Variants in TENM3 observed in about 807,000 individuals in gnomAD.
TENM3 encodes teneurin transmembrane protein 3.
TENM3 carries 63 observed loss-of-function variants against 255.1 expected under a neutral mutation model. That is an observed-to-expected ratio of 0.25 (90% CI 0.20 to 0.30). TENM3 has a LOEUF of 0.30. Among genes scored for constraint, TENM3 ranks in the 10% least tolerant of loss-of-function variants. The pLI is 1.00. For synonymous variants in TENM3, 1,306 were observed against 1,322.3 expected, an observed-to-expected ratio of 0.99 and a Z score of 0.27; for missense variants, 2,929 against 3,461.1, an observed-to-expected ratio of 0.85 and a Z score of 3.86.
chr4:182,320,506 A>T (rs1762989370), intron 1 of TENM3, among the ~76,000 whole-genome samples: 1 of 151,926 alleles, frequency 6.6e-6, no homozygotes, highest in African/African-American at 2.4e-5. Context: ...CTGTATCCAA[A>T]TTTTCCTCTC....
chr4:182,757,117 C>T (rs911248303), intron 22 of TENM3, among the ~76,000 whole-genome samples: 1 of 151,878 alleles, frequency 6.6e-6, no homozygotes, highest in African/African-American at 2.4e-5. Flanking sequence ...TCAAGACCAT[C>T]CTGGCTAACA....
chr4:182,102,501 T>C, the TENM3 span, among the ~76,000 whole-genome samples: 12,341 of 152,250 alleles, frequency 0.081, 912 homozygotes, highest in African/African-American at 0.2. Flanking sequence ...TGGCCAAGAA[T>C]CAAAATGCGC....
intron 3 of TENM3, among the ~76,000 whole-genome samples, chr4:182,481,194 T>C (rs1734163527): frequency 6.6e-6 from 1 of 152,122 alleles, no homozygotes; most frequent in African/African-American, 2.4e-5. Flanking sequence ...AGAAACAGAC[T>C]GAAAAACTAA....
chr4:182,381,112 G>GT (rs1470166101), intron 3 of TENM3, among the ~76,000 whole-genome samples: 2 of 152,324 alleles, frequency 1.3e-5, no homozygotes, highest in Admixed American at 6.5e-5. Flanking sequence ...TCAGACAGCT[G>GT]TGAGAGTCCC....
chr4:182,086,031 G>A, the TENM3 span, among the ~76,000 whole-genome samples: 2 of 152,140 alleles, frequency 1.3e-5, no homozygotes, highest in Non-Finnish European at 2.9e-5. Context: ...TAAGAAGTCC[G>A]TAAATAGTTG....
In TENM3 at chr4:182,217,560, C is replaced by T. The variant is rs537347950; in HGVS notation, c.-76+72806C>T. Among the ~76,000 whole-genome samples the T allele has an allele frequency of 9.9e-5, 15 of 152,154 alleles. 1 individual carries two copies. The South Asian group carries it at 2.9e-3, about 30-fold the overall frequency. On this transcript the variant is annotated intron_variant, in intron 1 of 2. Coordinates refer to the TENM3 transcript ENST00000512480. ...CAGGTGCTTGTTCGAGGTACTTTACCGGTATTAACTCTTTAATTCGCATAA... is the reference window on the plus strand; with the variant it reads ...CAGGTGCTTGTTCGAGGTACTTTACTGGTATTAACTCTTTAATTCGCATAA...
the TENM3 span, among the ~76,000 whole-genome samples, chr4:182,029,755 A>T: frequency 6.6e-6 from 1 of 152,172 alleles, no homozygotes; most frequent in East Asian, 1.9e-4. Context: ...CCTTGTATTC[A>T]TATGAAGAAA....
chr4:182,516,486 C>T (rs62337230), intron 3 of TENM3, among the ~76,000 whole-genome samples: 11,550 of 152,220 alleles, frequency 0.076, 498 homozygotes, highest in East Asian at 0.11. Flanking sequence ...CCCTACCTCA[C>T]GGCCAAACAC....
Position 182,324,100 on chromosome 4 carries a change from C to T in TENM3, c.80C>T (p.Ser27Phe). Residue 27 changes from serine to phenylalanine, a missense_variant, in exon 2 of 28, where the codon TCC becomes TTC. By Grantham distance (155) the Ser-to-Phe change is radical. Transcript: ENST00000511685. The part of the protein sequence containing the change: ...REKERRYTNS[S>F]ADNEECRVPT... ...AAGGAACGGCGCTACACAAATTCCT[C>T]CGCAGACAATGAGGAGTGCCGGGTA... 1 of 1,613,984 alleles carries T rather than the reference C, an allele frequency of 6.2e-7. No homozygotes were observed. The highest frequency in any genetic ancestry group is 8.5e-7 in the Non-Finnish European group (1 of 1,179,892).
the TENM3 span, among the ~76,000 whole-genome samples, chr4:181,578,170 G>A: frequency 9.2e-5 from 14 of 152,348 alleles, no homozygotes; most frequent in Admixed American, 5.2e-4. Flanking sequence ...CAAGGACTCC[G>A]TCAATAGTTA....
the TENM3 span, among the ~76,000 whole-genome samples, chr4:181,565,988 T>C: frequency 6.6e-6 from 1 of 152,014 alleles, no homozygotes; most frequent in Non-Finnish European, 1.5e-5. Flanking sequence ...TGTTCTAAGT[T>C]GGAAAAAAAG....
the TENM3 span, among the ~76,000 whole-genome samples, chr4:181,817,245 G>A: frequency 6.6e-6 from 1 of 152,184 alleles, no homozygotes; most frequent in Non-Finnish European, 1.5e-5. Flanking sequence ...CTCAACCTTA[G>A]CACTATTAAC....
chr4:182,562,009 T>A (rs541820592), intron 3 of TENM3, among the ~76,000 whole-genome samples: 1 of 151,884 alleles, frequency 6.6e-6, no homozygotes, highest in African/African-American at 2.4e-5. Flanking sequence ...GATAGATAGA[T>A]AGATAGATAG....
At chr4:182,285,530 G>A (rs1760679913) in intron 1 of TENM3, among the ~76,000 whole-genome samples, 1 of 152,140 alleles carries the variant, frequency 6.6e-6, no homozygotes, top group African/African-American at 2.4e-5. Flanking sequence ...AAACCATTTT[G>A]AAGCAACACA....
the TENM3 span, among the ~76,000 whole-genome samples, chr4:181,687,764 A>G: frequency 1.3e-5 from 2 of 152,154 alleles, no homozygotes; most frequent in South Asian, 2.1e-4. Context: ...CTGAGTTAGT[A>G]GTAAAGCCTG....
At chr4:182,787,358 C>G (rs1009272795) in intron 24 of TENM3, among the ~76,000 whole-genome samples, 1 of 152,198 alleles carries the variant, frequency 6.6e-6, no homozygotes, top group Non-Finnish European at 1.5e-5. Flanking sequence ...GTTCCTCCCC[C>G]AACCACCACT....
the TENM3 span, among the ~76,000 whole-genome samples, chr4:181,862,439 C>CT: frequency 6.6e-6 from 1 of 152,016 alleles, no homozygotes; most frequent in Admixed American, 6.6e-5. Flanking sequence ...CTTTCCATCT[C>CT]TTTTTATCAA....
At chr4:181,577,233 G>T in the TENM3 span, among the ~76,000 whole-genome samples, 1 of 138,598 alleles carries the variant, frequency 7.2e-6, no homozygotes, top group South Asian at 2.2e-4. Flanking sequence ...TAGAGATGGG[G>T]TTTCTCCATG....
intron 1 of TENM3, among the ~76,000 whole-genome samples, chr4:182,187,648 G>A (rs1474845399): frequency 1.3e-5 from 2 of 151,858 alleles, no homozygotes; most frequent in Admixed American, 6.6e-5. Flanking sequence ...TTCTTTGGTT[G>A]AACAGAAATT....
Sources: allele counts gnomAD v4.1 joint callset (sites outside exome capture counted in the v4.1 genomes callset), GRCh38; gene constraint gnomAD v4.1.1; transcripts MANE v1.5; gene names NCBI Gene and HGNC (gene_info 2026-07-23, HGNC 2026-07-21).